CHRNA5: variants seen among roughly 807,000 people sequenced by gnomAD.
The protein encoded by CHRNA5 is cholinergic receptor nicotinic alpha 5 subunit, also known as neuronal acetylcholine receptor subunit alpha-5.
CHRNA5 carries 28 observed loss-of-function variants against 41.2 expected under a neutral mutation model. The observed-to-expected ratio is 0.68, with a 90% confidence interval of 0.50 to 0.93. CHRNA5 has a LOEUF of 0.93. CHRNA5 is among the 40% of genes least tolerant of loss of function. CHRNA5 has a pLI of 0.00. For missense variants in CHRNA5, 481 were observed against 581.9 expected (o/e 0.83, Z 1.78); for synonymous variants, 188 against 205.8 (o/e 0.91, Z 0.74).
intron 2 of CHRNA5, among the ~76,000 whole-genome samples, chr15:78,584,726 C>T (rs1211439341): frequency 6.6e-6 from 1 of 152,232 alleles, no homozygotes; most frequent in Non-Finnish European, 1.5e-5. Flanking sequence ...ATACTATCAT[C>T]ATGGGTAATA....
At chr15:78,593,292 A>G (rs1322355549) in exon 6 of CHRNA5, 3 of 1,528,820 alleles carry the variant, frequency 2.0e-6, no homozygotes, top group Non-Finnish European at 1.8e-6. Flanking sequence ...TAGTTAACAC[A>G]CATATATCTG....
At position 78,565,828 on chromosome 15, in the gene CHRNA5, A is replaced by C; in HGVS notation, c.106+3A>C. 8.2e-7 allele frequency: 1 copy of C among 1,217,454 alleles called. No homozygotes were observed. 75.4% of individuals were successfully genotyped at this position (1,217,454 alleles called of 1,614,324 possible). A position where few individuals can be genotyped will look rare whatever the true frequency, so the allele number is the denominator to read the frequency against. On this transcript the variant is annotated splice_donor_region_variant and intron_variant, in intron 1 of 5. Transcript: ENST00000299565. ...CGCGGCGGGCGGCGCGCAGAGAGGT[A>C]AGCCCGGGCTGCAGAGGGGCGGGGC...
chr15:78,593,407 TGAACA>T, exon 6 of CHRNA5: 1 of 661,932 alleles, frequency 1.5e-6, no homozygotes, highest in South Asian at 3.1e-5. Flanking sequence ...ATGATCCATT[TGAACA>T]GTTGGCTGTA....
chr15:78,575,750 G>T (rs139210273), intron 1 of CHRNA5, among the ~76,000 whole-genome samples: 1 of 152,170 alleles, frequency 6.6e-6, no homozygotes, highest in Non-Finnish European at 1.5e-5. Context: ...CATAAGGGAG[G>T]TACTTTTTTA....
intron 2 of CHRNA5, 110 bp from the exon 3 acceptor site, chr15:78,586,535 T>C (rs2052963208): frequency 3.2e-6 from 2 of 634,170 alleles, no homozygotes. Context: ...GAATGAAATG[T>C]GGGTACTATG....
chr15:78,586,837 C>G (rs1318789308), intron 3 of CHRNA5, 148 bp downstream of exon 3: 3 of 665,316 alleles, frequency 4.5e-6, no homozygotes, highest in Admixed American at 2.5e-5. Context: ...TGGCAGGACA[C>G]AGAAAGATGA....
intron 3 of CHRNA5, among the ~76,000 whole-genome samples, chr15:78,587,962 G>A (rs1350378886): frequency 6.6e-6 from 1 of 152,134 alleles, no homozygotes; most frequent in Non-Finnish European, 1.5e-5. Context: ...AGCCAAATTG[G>A]GTGACAATAC....
intron 5 of CHRNA5, among the ~76,000 whole-genome samples, chr15:78,592,448 C>G (rs981894582): frequency 7.2e-5 from 11 of 152,192 alleles, no homozygotes; most frequent in Non-Finnish European, 1.3e-4. Flanking sequence ...AGGGAAGCCC[C>G]TGGTCAAGGA....
rs2277550 is a variant in CHRNA5, at chr15:78,565,921, G to T, written c.106+96G>T. On this transcript the variant is annotated intron_variant, in intron 1 of 5. Coordinates refer to ENST00000299565, the Ensembl canonical transcript of CHRNA5. Reference sequence around the variant, plus strand: ...CCAGGCGACGGCCGCCGGAAAACCTGGTTGCGAGGGGAGGTGGGTTTTTTT... The same window carrying T: ...CCAGGCGACGGCCGCCGGAAAACCTTGTTGCGAGGGGAGGTGGGTTTTTTT... 8.9e-4 allele frequency: 549 copies of T among 618,022 alleles called. 6 individuals are homozygous for T. In the East Asian group the frequency reaches 0.022, roughly 24 times the overall value. The allele number at this position is 618,022 out of a possible 1,614,324, so 38.3% of individuals were successfully genotyped here. A position where few individuals can be genotyped will look rare whatever the true frequency, so the allele number is the denominator to read the frequency against.
At chr15:78,584,139 G>T (rs149736436) in intron 2 of CHRNA5, among the ~76,000 whole-genome samples, 35 of 152,296 alleles carry the variant, frequency 2.3e-4, no homozygotes, top group African/African-American at 8.2e-4. Flanking sequence ...GATGAAGGGT[G>T]AGGGCTCTGG....
chr15:78,592,190 T>C (rs1342621294), intron 5 of CHRNA5, among the ~76,000 whole-genome samples: 1 of 152,042 alleles, frequency 6.6e-6, no homozygotes, highest in East Asian at 1.9e-4. Flanking sequence ...GGCATGGTGG[T>C]GTGTGCCTGT....
intron 1 of CHRNA5, among the ~76,000 whole-genome samples, chr15:78,576,929 A>T (rs1321843524): frequency 6.6e-6 from 1 of 152,182 alleles, no homozygotes; most frequent in Non-Finnish European, 1.5e-5. Context: ...TCTAAAAAGA[A>T]TTTTTCCATT....
chr15:78,586,426 CTT>C (rs1309936221), intron 2 of CHRNA5, among the ~76,000 whole-genome samples: 1 of 152,074 alleles, frequency 6.6e-6, no homozygotes, highest in African/African-American at 2.4e-5. Flanking sequence ...CCAAAGGTAT[CTT>C]TTAGTGTAGT....
chr15:78,590,344 T>C, exon 5 of CHRNA5: 1 of 1,614,186 alleles, frequency 6.2e-7, no homozygotes, highest in Non-Finnish European at 8.5e-7. Flanking sequence ...GAGTATCTGG[T>C]ATTTACCATG....
exon 5 of CHRNA5, chr15:78,590,327 A>G (rs1285070942): frequency 1.2e-6 from 2 of 1,614,066 alleles, no homozygotes. Context: ...TCATACCTCT[A>G]ATTGGAGAGT....
At chr15:78,570,126 T>A (rs2052788110) in intron 1 of CHRNA5, among the ~76,000 whole-genome samples, 1 of 151,984 alleles carries the variant, frequency 6.6e-6, no homozygotes, top group Non-Finnish European at 1.5e-5. Context: ...CTGGCCTGGG[T>A]ATAGTTTTAT....
At chr15:78,569,661 C>G (rs766349798) in intron 1 of CHRNA5, among the ~76,000 whole-genome samples, 1 of 151,910 alleles carries the variant, frequency 6.6e-6, no homozygotes, top group Non-Finnish European at 1.5e-5. Flanking sequence ...TCTCGATCTC[C>G]TGACCTCATG....
chr15:78,575,753 CT>C (rs1233332836), intron 1 of CHRNA5, among the ~76,000 whole-genome samples: 4 of 152,152 alleles, frequency 2.6e-5, no homozygotes, highest in African/African-American at 7.2e-5. Context: ...AAGGGAGGTA[CT>C]TTTTTAATAC....
chr15:78,589,713 T>C (rs979892149), intron 4 of CHRNA5, 92 bp from the exon 5 acceptor site: 5 of 1,007,024 alleles, frequency 5.0e-6, no homozygotes, highest in Non-Finnish European at 7.3e-6. Flanking sequence ...ATGCAATCAA[T>C]GATAGGCCTG....
Sources: gnomAD v4.1 joint callset for allele counts (sites outside exome capture counted in the v4.1 genomes callset) on GRCh38, gnomAD v4.1.1 for gene constraint, MANE v1.5 for transcripts, NCBI Gene and HGNC (gene_info 2026-07-23, HGNC 2026-07-21) for gene names.